Variants in HENMT1 observed in about 807,000 individuals in gnomAD.
HENMT1 encodes the protein small RNA 2'-O-methyltransferase.
In HENMT1, 27 loss-of-function variants were observed where a neutral mutation model predicts 31.1. The observed-to-expected ratio is 0.87, with a 90% CI of 0.64 to 1.20. The LOEUF is 1.20. HENMT1 is among the 50% of genes most tolerant of loss of function. The probability of loss-of-function intolerance (pLI) is 0.00; values close to 1 mark genes in which losing one functional copy is unlikely to be tolerated. For synonymous variants in HENMT1, 167 were observed against 172.2 expected (o/e 0.97, Z 0.24); for missense variants, 438 against 469.6 (o/e 0.93, Z 0.62).
At chr1:108,651,696 AAG>A (rs1032749189) in intron 5 of HENMT1, among the ~76,000 whole-genome samples, 3 of 150,912 alleles carry the variant, frequency 2.0e-5, no homozygotes, top group Non-Finnish European at 3.0e-5. Context: ...AAAGAAAAGA[AAG>A]AGAGAGAGAC....
At chr1:108,652,199 G>A (rs1360963174) in intron 5 of HENMT1, among the ~76,000 whole-genome samples, 1 of 152,114 alleles carries the variant, frequency 6.6e-6, no homozygotes, top group Admixed American at 6.6e-5. Context: ...GACATTACTG[G>A]AACAAATGAT....
chr1:108,658,026 T>TAC lies in HENMT1; in HGVS notation c.22-449_22-448dup, dbSNP rs202030587. On this transcript the variant is annotated intron_variant, in intron 2 of 7. Transcript: ENST00000651461. ...ACACACACATATATGTACACACACT[T>TAC]ACACACACACACATATATATACACA... Among the ~76,000 whole-genome samples the TAC allele has an allele frequency of 6.0e-5, 8 of 133,854 alleles. No individual in the cohort carries two copies. In the South Asian group the frequency reaches 1.7e-3, roughly 28 times the overall value. The allele number at this position is 133,854 out of a possible 152,430, so 87.8% of individuals were successfully genotyped here.
chr1:108,659,896 G>A lies in HENMT1; in HGVS notation c.-12C>T. 6.3e-7 allele frequency: 1 copy of A among 1,599,650 alleles called. No homozygotes were observed. On this transcript the variant is annotated 5_prime_UTR_variant, in exon 2 of 8. Coordinates refer to ENST00000651461, the MANE Select transcript of HENMT1 (RefSeq NM_001102592.2). The stretch of plus-strand genomic sequence containing the variant: ...TTATTTTCTTCCATTTTGTTTCGAA[G>A]TTTTGTTGAAACAAAAATGAAGATT...
chr1:108,660,160 G>A (rs1375599869), intron 1 of HENMT1, among the ~76,000 whole-genome samples, 198 bp from the exon 2 acceptor site: 1 of 145,108 alleles, frequency 6.9e-6, no homozygotes, highest in Admixed American at 6.9e-5. Context: ...GACTCGAACA[G>A]ATATTTATAC....
At chr1:108,661,108 T>C, upstream of HENMT1, 1 of 582,010 alleles carries the variant, frequency 1.7e-6, no homozygotes, top group Non-Finnish European at 2.2e-6. Flanking sequence ...ACGCACGGCC[T>C]CGCTGCGTGA....
rs1279246640 is a variant in HENMT1, at chr1:108,660,999, T to C, written c.-115A>G. ...CTTCTGTCTTTGTACGGGCCGTCGC[T>C]TCCATCATCCTGCGGTAAGCAGCAT... On this transcript the variant is annotated 5_prime_UTR_variant, in exon 1 of 8. Coordinates refer to ENST00000651461, the MANE Select transcript of HENMT1 (RefSeq NM_001102592.2). The C allele has an allele frequency of 5.1e-6, 5 of 984,874 alleles. No homozygotes were observed. The Admixed American group carries it at 3.1e-4, about 61-fold the overall frequency. 61.0% of individuals were successfully genotyped at this position (984,874 alleles called of 1,614,324 possible). A position where few individuals can be genotyped will look rare whatever the true frequency, so the allele number is the denominator to read the frequency against.
At chr1:108,650,426 T>C in intron 6 of HENMT1, 38 bp from the exon 7 acceptor site, 1 of 1,572,614 alleles carries the variant, frequency 6.4e-7, no homozygotes. Flanking sequence ...TTTTTCTAAA[T>C]GTAGAGCTAC....
At chr1:108,653,682 G>A (rs769448004) in intron 5 of HENMT1, among the ~76,000 whole-genome samples, 8 of 152,174 alleles carry the variant, frequency 5.3e-5, no homozygotes, top group Non-Finnish European at 8.8e-5. Context: ...GACTAGTGAT[G>A]TTGAGCATTT....
At position 108,651,162 on chromosome 1, in the gene HENMT1, A is replaced by C; in HGVS notation, c.446T>G (p.Val149Gly). 6.2e-7 allele frequency: 1 copy of C among 1,614,092 alleles called. No individual in the cohort carries two copies. Among genetic ancestry groups the C allele is most frequent in the Non-Finnish European group, 8.5e-7 (1 of 1,179,962 alleles). Reference protein sequence around the residue: ...SGDLARFPEVVFGYLSPSMIV... With the variant: ...SGDLARFPEVGFGYLSPSMIV... ...CATGGATGGAGACAGGTACCCAAAT[A>C]CCACTTCAGGAAATCTGGCCAGATC... The change falls in exon 6 of 8, where the codon GTA (valine) becomes GGA (glycine). Residue 149 changes from valine to glycine, a missense_variant. Physicochemically the swap from Val to Gly is moderately radical, Grantham distance 109. Coordinates refer to ENST00000651461, the MANE Select transcript of HENMT1 (RefSeq NM_001102592.2).
intron 5 of HENMT1, among the ~76,000 whole-genome samples, chr1:108,653,944 G>C (rs542590819): frequency 2.8e-4 from 42 of 152,206 alleles, no homozygotes; most frequent in African/African-American, 1.0e-3. Flanking sequence ...TGCTTTTGTA[G>C]TCTTACTCAA....
Position 108,651,016 on chromosome 1 carries a change from C to T in HENMT1, c.578+14G>A. 1.9e-6 allele frequency: 3 copies of T among 1,585,326 alleles called. No individual in the cohort carries two copies. Among genetic ancestry groups the T allele is most frequent in the South Asian group, 1.1e-5 (1 of 88,018 alleles). On this transcript the variant is annotated intron_variant, in intron 6 of 7. Transcript: ENST00000651461. ...AACAGGATCCCAAATAAACAAAAAC[C>T]CTTCTGAACTTACCAGGTCTGAAAC...
At chr1:108,659,301 T>C (rs182892296) in intron 2 of HENMT1, among the ~76,000 whole-genome samples, 26 of 152,222 alleles carry the variant, frequency 1.7e-4, no homozygotes, top group African/African-American at 6.0e-4. Flanking sequence ...GTGGTCAGCG[T>C]TGCAGTTAAC....
At chr1:108,658,737 T>C (rs1658346653) in intron 2 of HENMT1, among the ~76,000 whole-genome samples, 1 of 152,250 alleles carries the variant, frequency 6.6e-6, no homozygotes, top group Non-Finnish European at 1.5e-5. Flanking sequence ...CTGATCACCC[T>C]ATCTGGTCAA....
chr1:108,659,298 G>A (rs563430656), intron 2 of HENMT1, among the ~76,000 whole-genome samples: 2 of 152,092 alleles, frequency 1.3e-5, no homozygotes, highest in South Asian at 2.1e-4. Context: ...CAGGTGGTCA[G>A]CGTTGCAGTT....
chr1:108,656,437 T>C (rs1260666096), intron 3 of HENMT1, among the ~76,000 whole-genome samples: 1 of 152,216 alleles, frequency 6.6e-6, no homozygotes, highest in Non-Finnish European at 1.5e-5. Flanking sequence ...TGGATGTAGA[T>C]TATATGCAAT....
At chr1:108,653,225 A>T (rs1192096519) in intron 5 of HENMT1, among the ~76,000 whole-genome samples, 1 of 152,018 alleles carries the variant, frequency 6.6e-6, no homozygotes, top group Non-Finnish European at 1.5e-5. Context: ...CATGTTGGCC[A>T]GGCTGCTCTT....
rs764333880 is a variant in HENMT1, at chr1:108,655,606, C to A, written c.243G>T (p.Glu81Asp). 1 of 1,603,024 alleles carries A rather than the reference C, an allele frequency of 6.2e-7. No individual in the cohort carries two copies. The highest frequency in any genetic ancestry group is 8.5e-7 in the Non-Finnish European group (1 of 1,172,636). Residue 81 changes from glutamate (E) to aspartate (D), a missense_variant, in exon 4 of 8, where the codon GAG becomes GAT. By Grantham distance (45) the Glu-to-Asp change is conservative (BLOSUM62 2). Transcript: ENST00000651461. ...ATTACCCTCTCCATCGTAATTTATC[C>A]TCATTAATATCTACTCCAACAAGCA... ...IELLVGVDIN[E>D]DKLRWRGDSL...
intron 7 of HENMT1, among the ~76,000 whole-genome samples, 194 bp from the exon 8 acceptor site, chr1:108,649,185 T>C (rs1203113471): frequency 6.6e-6 from 1 of 152,172 alleles, no homozygotes; most frequent in African/African-American, 2.4e-5. Flanking sequence ...CTATCCGATT[T>C]GCTTTCTAAT....
chr1:108,649,953 T>C (rs1285888599), intron 7 of HENMT1: 1 of 547,974 alleles, frequency 1.8e-6, no homozygotes, highest in Non-Finnish European at 3.4e-6. Context: ...TGTACCCAGC[T>C]ACTTTGAAGT....
Sources: gnomAD v4.1 joint callset for allele counts (sites outside exome capture counted in the v4.1 genomes callset) on GRCh38, gnomAD v4.1.1 for gene constraint, MANE v1.5 for transcripts, NCBI Gene and HGNC (gene_info 2026-07-23, HGNC 2026-07-21) for gene names.